Variants in CELF4 observed in about 807,000 individuals in gnomAD.
CELF4 encodes the protein CUG-BP- and ETR-3-like factor 4.
CELF4 carries 18 observed loss-of-function variants against 59.9 expected under a neutral mutation model. The observed-to-expected ratio is 0.30, with a 90% confidence interval of 0.21 to 0.45. CELF4 has a LOEUF of 0.45. CELF4 is among the 20% of genes least tolerant of loss of function. The pLI, the probability that CELF4 is intolerant of heterozygous loss-of-function variation, is 1.00. For synonymous variants in CELF4, 261 were observed against 267.1 expected (o/e 0.98, Z 0.22); for missense variants, 456 against 689.0 (o/e 0.66, Z 3.79).
intron 2 of CELF4, among the ~76,000 whole-genome samples, chr18:37,444,269 G>A (rs1421500761): frequency 2.0e-5 from 3 of 151,988 alleles, no homozygotes; most frequent in African/African-American, 4.8e-5. Flanking sequence ...GTGTGGGTAG[G>A]GGTGGATCCC....
In CELF4 at chr18:37,469,855, G is replaced by T. The variant is rs141899615; in HGVS notation, c.369+15670C>A. Among the ~76,000 whole-genome samples the T allele has an allele frequency of 2.6e-5, 4 of 152,266 alleles. No individual in the cohort carries two copies. The East Asian group carries it at 7.7e-4, about 29-fold the overall frequency. On this transcript the variant is annotated intron_variant, in intron 2 of 12. Transcript: ENST00000420428. ...TGAGGAACATCCAGGCACGGTGCAG[G>T]CTGGAGCACGCAAACCAACAGCAAA...
At chr18:37,326,581 G>A (rs1379447321) in intron 2 of CELF4, among the ~76,000 whole-genome samples, 1 of 152,146 alleles carries the variant, frequency 6.6e-6, no homozygotes, top group African/African-American at 2.4e-5. Context: ...AAGGGGATTT[G>A]GTGAGCCAGG....
chr18:37,482,801 C>G (rs1465894254), intron 2 of CELF4, among the ~76,000 whole-genome samples: 1 of 152,110 alleles, frequency 6.6e-6, no homozygotes, highest in African/African-American at 2.4e-5. Context: ...GATGCGAGCT[C>G]CATAACTCAC....
intron 2 of CELF4, among the ~76,000 whole-genome samples, chr18:37,444,776 C>T (rs2099743589): frequency 6.6e-6 from 1 of 152,102 alleles, no homozygotes; most frequent in Non-Finnish European, 1.5e-5. Flanking sequence ...GAGGGGCCCT[C>T]CAGACGAGGC....
rs183266685 is a variant in CELF4 at position 37,467,974 on chromosome 18, T to G, written c.369+17551A>C. ...CCTATATGGCATGTACTCTGTTGTG[T>G]GTATGTGCGTGCATGTGTGTGTGTT... On this transcript the variant is annotated intron_variant, in intron 2 of 12. Transcript: ENST00000420428. 1.6e-3 allele frequency among the ~76,000 whole-genome samples: 241 copies of G among 151,974 alleles called. 1 individual carries two copies. Among genetic ancestry groups the G allele is most frequent in the African/African-American group, 5.4e-3 (223 of 41,230 alleles).
At chr18:37,476,810 C>G (rs1262316533) in intron 2 of CELF4, among the ~76,000 whole-genome samples, 1 of 152,226 alleles carries the variant, frequency 6.6e-6, no homozygotes, top group Non-Finnish European at 1.5e-5. Context: ...CATGCAGGCA[C>G]AGCCCTTGTG....
chr18:37,484,623 C>T (rs1338755371), intron 2 of CELF4, among the ~76,000 whole-genome samples: 1 of 152,214 alleles, frequency 6.6e-6, no homozygotes, highest in Non-Finnish European at 1.5e-5. Context: ...AAGGCTGCCC[C>T]CGCCCGGGGT....
intron 1 of CELF4, among the ~76,000 whole-genome samples, chr18:37,511,943 G>A (rs2099944816): frequency 6.6e-6 from 1 of 152,076 alleles, no homozygotes; most frequent in Admixed American, 6.6e-5. Context: ...CTGGGGCTGG[G>A]GGTGGGGATA....
At chr18:37,487,289 A>C (rs568075879) in intron 1 of CELF4, among the ~76,000 whole-genome samples, 2 of 152,234 alleles carry the variant, frequency 1.3e-5, no homozygotes, top group Non-Finnish European at 2.9e-5. Context: ...GGAGGTGGAA[A>C]GGGAATGTAT....
chr18:37,464,376 G>A (rs2099802122), intron 2 of CELF4, among the ~76,000 whole-genome samples: 1 of 152,104 alleles, frequency 6.6e-6, no homozygotes, highest in Admixed American at 6.5e-5. Context: ...TCCAGCTCAG[G>A]GCTCTTAAAG....
chr18:37,442,856 C>A (rs60371522), intron 2 of CELF4, among the ~76,000 whole-genome samples: 2 of 152,098 alleles, frequency 1.3e-5, no homozygotes, highest in Non-Finnish European at 1.5e-5. Flanking sequence ...TAATCTCCCC[C>A]TCTCCGTCCT....
intron 3 of CELF4, among the ~76,000 whole-genome samples, chr18:37,281,720 G>T (rs1211356959): frequency 6.6e-6 from 1 of 152,198 alleles, no homozygotes; most frequent in Non-Finnish European, 1.5e-5. Flanking sequence ...GACTGGGCAA[G>T]AGCCCAGAGA....
intron 2 of CELF4, among the ~76,000 whole-genome samples, chr18:37,390,942 G>A (rs1356962814): frequency 6.6e-6 from 1 of 152,088 alleles, no homozygotes; most frequent in Non-Finnish European, 1.5e-5. Context: ...GAGCAGAGGG[G>A]CAGCCGCTGC....
At chr18:37,448,509 G>A (rs543043279) in intron 2 of CELF4, among the ~76,000 whole-genome samples, 4 of 152,324 alleles carry the variant, frequency 2.6e-5, no homozygotes, top group Admixed American at 2.6e-4. Flanking sequence ...GCCACGGCAG[G>A]GCATGTCCAG....
chr18:37,388,948 T>C (rs780197007), intron 2 of CELF4, among the ~76,000 whole-genome samples: 6 of 152,126 alleles, frequency 3.9e-5, no homozygotes, highest in Non-Finnish European at 8.8e-5. Context: ...GTGCACCTCT[T>C]GATGGCTCTT....
rs2090387603 is a variant in CELF4 at position 37,270,094 on chromosome 18, C to G, written c.1099+674G>C. ...GACCAGGGAGAAGAGCTGCTTCAGGCCAACTGGACACTCTCACCCTGTGAG... is the reference window on the plus strand; with the variant it reads ...GACCAGGGAGAAGAGCTGCTTCAGGGCAACTGGACACTCTCACCCTGTGAG... On this transcript the variant is annotated intron_variant, in intron 8 of 12. Transcript: ENST00000420428. Among the ~76,000 whole-genome samples the G allele has an allele frequency of 3.3e-5, 5 of 152,216 alleles. No individual in the cohort carries two copies. The South Asian group carries it at 1.0e-3, about 32-fold the overall frequency.
chr18:37,274,227 A>C, intron 6 of CELF4, 84 bp downstream of exon 6: 1 of 1,580,872 alleles, frequency 6.3e-7, no homozygotes, highest in Non-Finnish European at 8.6e-7. Context: ...GGGATAGAGT[A>C]GTATTTTCGG....
chr18:37,297,488 C>T (rs1396350926), intron 3 of CELF4, among the ~76,000 whole-genome samples: 3 of 152,304 alleles, frequency 2.0e-5, no homozygotes, highest in Non-Finnish European at 4.4e-5. Context: ...GAAAGGTCCT[C>T]CTAGGCAGCA....
intron 2 of CELF4, among the ~76,000 whole-genome samples, chr18:37,389,041 T>C (rs1016653165): frequency 6.6e-6 from 1 of 151,930 alleles, no homozygotes; most frequent in Admixed American, 6.6e-5. Flanking sequence ...TGAAACAGGG[T>C]GGGAGTTAGC....
Sources: gnomAD v4.1 joint callset for allele counts (sites outside exome capture counted in the v4.1 genomes callset) on GRCh38, gnomAD v4.1.1 for gene constraint, MANE v1.5 for transcripts, NCBI Gene and HGNC (gene_info 2026-07-23, HGNC 2026-07-21) for gene names.